Variants in MAOB observed in about 807,000 individuals in gnomAD.
MAOB encodes amine oxidase [flavin-containing] B.
Under a neutral mutation model 41.9 loss-of-function variants are expected in MAOB, and 15 were observed. The observed-to-expected ratio is 0.36, with a 90% confidence interval of 0.24 to 0.55. The LOEUF (loss-of-function observed/expected upper bound fraction) is 0.55. Ranked by LOEUF, MAOB falls within the 20% of genes least tolerant of loss-of-function variation. MAOB has a pLI of 0.86. For synonymous variants in MAOB, 167 were observed against 144.2 expected (o/e 1.16, Z -1.13); for missense variants, 345 against 398.7 (o/e 0.87, Z 1.15).
chrX:43,879,113 T>G (rs2035458266), intron 1 of MAOB, among the ~76,000 whole-genome samples: 1 of 111,961 alleles, frequency 8.9e-6, no homozygotes, highest in Non-Finnish European at 1.9e-5. Context: ...CAGTTCCATG[T>G]GGGAGATGTC....
At chrX:43,789,329 C>A (rs1184651307) in intron 8 of MAOB, among the ~76,000 whole-genome samples, 1 of 112,071 alleles carries the variant, frequency 8.9e-6, no homozygotes, top group Non-Finnish European at 1.9e-5. Context: ...CAGTGGCCCT[C>A]TAGGGGGAGG....
chrX:43,779,966 C>G (rs1454592505), intron 10 of MAOB, among the ~76,000 whole-genome samples: 1 of 111,645 alleles, frequency 9.0e-6, no homozygotes, highest in African/African-American at 3.3e-5. Flanking sequence ...TTCCCCACAA[C>G]ACAGTAATTT....
chrX:43,858,492 T>C (rs187430811), intron 1 of MAOB, among the ~76,000 whole-genome samples: 101 of 111,259 alleles, frequency 9.1e-4, no homozygotes, highest in African/African-American at 3.1e-3. Flanking sequence ...CGCTGTTTAG[T>C]GTTTCCATGC....
intron 3 of MAOB, among the ~76,000 whole-genome samples, chrX:43,810,352 A>T (rs1183522014): frequency 9.1e-6 from 1 of 110,441 alleles, no homozygotes; most frequent in Non-Finnish European, 1.9e-5. Flanking sequence ...AAGATCCGCA[A>T]AATGTAAATT....
rs999493621 is a variant in MAOB at position 43,810,192 on chromosome X, G to A, written c.280-6788C>T. Reference sequence around the variant, plus strand: ...CAGGAGGCGGAGCTTGCAGTGAGCCGAGATCGCGCCACTGCACTCCAGCCT... The same window carrying A: ...CAGGAGGCGGAGCTTGCAGTGAGCCAAGATCGCGCCACTGCACTCCAGCCT... On this transcript the variant is annotated intron_variant, in intron 3 of 14. Transcript: ENST00000378069. Among the ~76,000 whole-genome samples, 218 of 83,810 alleles carry A rather than the reference G, an allele frequency of 2.6e-3. 1 individual carries two copies. The highest frequency in any genetic ancestry group is 3.6e-3 in the Non-Finnish European group (172 of 47,409). 72.8% of individuals were successfully genotyped at this position (83,810 alleles called of 115,157 possible).
At chrX:43,882,219 G>A in intron 1 of MAOB, 35 bp downstream of exon 1, 4 of 1,206,036 alleles carry the variant, frequency 3.3e-6, no homozygotes, top group Non-Finnish European at 4.5e-6. Context: ...GTCCGAGCGC[G>A]TGAAGAGGAA....
chrX:43,818,441 C>T (rs931415786), intron 3 of MAOB, among the ~76,000 whole-genome samples: 42 of 112,050 alleles, frequency 3.7e-4, no homozygotes, highest in African/African-American at 1.2e-3. Flanking sequence ...TGCTTAACAT[C>T]AAGCTAGTTT....
intron 1 of MAOB, among the ~76,000 whole-genome samples, chrX:43,880,996 T>G (rs2035469196): frequency 8.9e-6 from 1 of 112,787 alleles, no homozygotes; most frequent in Admixed American, 9.3e-5. Context: ...GAAAGAAAAC[T>G]GAATTTATAC....
intron 4 of MAOB, among the ~76,000 whole-genome samples, chrX:43,802,544 G>A (rs1478579749): frequency 1.8e-5 from 2 of 111,698 alleles, no homozygotes; most frequent in African/African-American, 6.5e-5. Flanking sequence ...TTGTAACTGG[G>A]CTATTTCTAG....
intron 13 of MAOB, among the ~76,000 whole-genome samples, chrX:43,769,041 A>G (rs773718492): frequency 1.8e-5 from 2 of 112,163 alleles, no homozygotes; most frequent in East Asian, 5.6e-4. Context: ...GTTCTAGAAT[A>G]TCAGACCTAG....
At chrX:43,843,880 C>T (rs1252103171) in intron 1 of MAOB, 116 bp from the exon 2 acceptor site, 1 of 1,055,097 alleles carries the variant, frequency 9.5e-7, no homozygotes, top group African/African-American at 1.9e-5. Flanking sequence ...CCTATTGTTA[C>T]ATTCAACTTA....
chrX:43,836,549 A>G (rs754390246), intron 3 of MAOB, among the ~76,000 whole-genome samples: 17 of 112,277 alleles, frequency 1.5e-4, no homozygotes, highest in African/African-American at 5.2e-4. Flanking sequence ...TACGTAAAAC[A>G]TATACACATA....
At chrX:43,777,685 G>A (rs778167209) in intron 11 of MAOB, among the ~76,000 whole-genome samples, 28 of 111,962 alleles carry the variant, frequency 2.5e-4, no homozygotes, top group Non-Finnish European at 4.9e-4. Flanking sequence ...CAACTAGATT[G>A]TGGTATATAC....
At chrX:43,849,493 G>C (rs2035234116) in intron 1 of MAOB, among the ~76,000 whole-genome samples, 1 of 112,564 alleles carries the variant, frequency 8.9e-6, no homozygotes, top group African/African-American at 3.2e-5. Context: ...ACACACTCCT[G>C]GCTAGTAAAT....
intron 10 of MAOB, 119 bp from the exon 11 acceptor site, chrX:43,778,858 G>T: frequency 2.0e-6 from 1 of 511,629 alleles, no homozygotes; most frequent in Non-Finnish European, 3.2e-6. Context: ...TTCCACTCCA[G>T]CATTTCATTT....
intron 1 of MAOB, among the ~76,000 whole-genome samples, chrX:43,849,308 C>T (rs142940690): frequency 1.3e-3 from 142 of 112,207 alleles, no homozygotes; most frequent in African/African-American, 3.6e-3. Context: ...TAGCAAGTAG[C>T]AGAGCCAGTA....
At chrX:43,779,309 T>C (rs746309597) in intron 10 of MAOB, among the ~76,000 whole-genome samples, 1 of 112,012 alleles carries the variant, frequency 8.9e-6, no homozygotes, top group Admixed American at 9.5e-5. Flanking sequence ...TAGCTGCTCG[T>C]GAAAGAAATA....
At chrX:43,780,220 T>C (rs2034311945) in intron 10 of MAOB, 122 bp downstream of exon 10, 2 of 552,197 alleles carry the variant, frequency 3.6e-6, no homozygotes, top group Non-Finnish European at 5.9e-6. Flanking sequence ...GTTAAAAAGT[T>C]AAGTAAAAAT....
chrX:43,790,654 T>C (rs2034452634), intron 8 of MAOB, among the ~76,000 whole-genome samples: 1 of 110,837 alleles, frequency 9.0e-6, no homozygotes, highest in African/African-American at 3.3e-5. Flanking sequence ...TATAGCTCAT[T>C]CACTGTATCC....
Sources: allele counts gnomAD v4.1 joint callset (sites outside exome capture counted in the v4.1 genomes callset), GRCh38; gene constraint gnomAD v4.1.1; transcripts MANE v1.5; gene names NCBI Gene and HGNC (gene_info 2026-07-23, HGNC 2026-07-21).